The following TAX1BP1 variants were observed in gnomAD, a reference collection of about 807,000 sequenced individuals.
TAX1BP1 encodes Tax1 binding protein 1.
A neutral mutation model predicts 97.7 loss-of-function variants in TAX1BP1; 62 were observed. That is an observed-to-expected ratio of 0.63 (90% CI 0.52 to 0.78). The LOEUF (loss-of-function observed/expected upper bound fraction) is 0.78. TAX1BP1 is among the 30% of genes least tolerant of loss of function. TAX1BP1 has a pLI of 0.00. For missense variants in TAX1BP1, 867 were observed against 916.1 expected, an observed-to-expected ratio of 0.95 and a Z score of 0.69; for synonymous variants, 340 against 304.2, an observed-to-expected ratio of 1.12 and a Z score of -1.23.
At chr7:27,791,980 C>G (rs748596874) in intron 8 of TAX1BP1, 26 bp from the exon 9 acceptor site, 1 of 1,604,418 alleles carries the variant, frequency 6.2e-7, no homozygotes, top group Non-Finnish European at 8.5e-7. Context: ...GGTTGAATTA[C>G]AAATATATTT....
At chr7:27,766,888 T>G (rs924673506) in intron 4 of TAX1BP1, among the ~76,000 whole-genome samples, 8 of 152,192 alleles carry the variant, frequency 5.3e-5, no homozygotes, top group African/African-American at 1.9e-4. Context: ...ATTCCTGTTG[T>G]ACTTCTGATG....
intron 5 of TAX1BP1, among the ~76,000 whole-genome samples, chr7:27,771,097 ATTTTTTTTTTTTTTTTTT>A (rs57751582): frequency 2.0e-4 from 8 of 40,618 alleles, no homozygotes; most frequent in South Asian, 2.0e-3. Flanking sequence ...ACATTCAGCA[ATTTTTTTTTTTTTTTTTT>A]TTTTTTTTTT....
chr7:27,795,226 A>C (rs1341330033), intron 11 of TAX1BP1, among the ~76,000 whole-genome samples: 1 of 152,174 alleles, frequency 6.6e-6, no homozygotes, highest in African/African-American at 2.4e-5. Context: ...TTCTGTTTCC[A>C]TGTATCCTCT....
At chr7:27,794,898 G>A (rs566756515) in intron 11 of TAX1BP1, among the ~76,000 whole-genome samples, 41 of 151,944 alleles carry the variant, frequency 2.7e-4, no homozygotes, top group Non-Finnish European at 5.6e-4. Context: ...TGGCTGCTTT[G>A]GATCAATGGG....
intron 13 of TAX1BP1, among the ~76,000 whole-genome samples, chr7:27,812,913 T>G (rs1379713448): frequency 2.0e-5 from 3 of 152,222 alleles, no homozygotes; most frequent in Non-Finnish European, 4.4e-5. Context: ...CACATGGCCA[T>G]GCCCATTCAT....
chr7:27,800,555 A>T (rs1349091504), intron 13 of TAX1BP1, among the ~76,000 whole-genome samples: 1 of 152,078 alleles, frequency 6.6e-6, no homozygotes, highest in Non-Finnish European at 1.5e-5. Flanking sequence ...CCACCCCCCT[A>T]CCAGTCTCTA....
intron 5 of TAX1BP1, among the ~76,000 whole-genome samples, chr7:27,777,656 C>T (rs1789081642): frequency 6.6e-6 from 1 of 152,192 alleles, no homozygotes; most frequent in African/African-American, 2.4e-5. Context: ...CATGATTCTT[C>T]TCTGGTACTC....
intron 1 of TAX1BP1, among the ~76,000 whole-genome samples, chr7:27,740,702 A>G (rs2128304887): frequency 6.6e-6 from 1 of 152,242 alleles, no homozygotes; most frequent in African/African-American, 2.4e-5. Flanking sequence ...GTAAGCTGAG[A>G]AAACACGTAG....
chr7:27,783,984 T>C (rs1425569061), intron 5 of TAX1BP1, among the ~76,000 whole-genome samples: 1 of 152,206 alleles, frequency 6.6e-6, no homozygotes, highest in Non-Finnish European at 1.5e-5. Context: ...CAGACAAACA[T>C]TTGCTTTGAC....
chr7:27,822,061 C>T (rs924396029), intron 15 of TAX1BP1, among the ~76,000 whole-genome samples: 3 of 152,014 alleles, frequency 2.0e-5, no homozygotes, highest in African/African-American at 4.8e-5. Flanking sequence ...ATCCAAAATC[C>T]GAAACTGAGT....
chr7:27,813,927 A>C (rs990601715), intron 13 of TAX1BP1, among the ~76,000 whole-genome samples: 1 of 152,142 alleles, frequency 6.6e-6, no homozygotes, highest in Non-Finnish European at 1.5e-5. Flanking sequence ...TTAGAAGACA[A>C]ATACTTAATG....
rs1002094446 is a variant in TAX1BP1 at position 27,744,757 on chromosome 7, A to G, written c.-7-3761A>G. 1.3e-5 allele frequency among the ~76,000 whole-genome samples: 2 copies of G among 152,186 alleles called. 1 individual carries two copies. ...TACAAGAGGAGTAAGTAAAGATAAC[A>G]TTGAAATGCTTCCCTGCCCCCACCC... On this transcript the variant is annotated intron_variant, in intron 1 of 16. Transcript: ENST00000396319.
At chr7:27,746,215 T>C (rs1787808740) in intron 1 of TAX1BP1, among the ~76,000 whole-genome samples, 1 of 152,188 alleles carries the variant, frequency 6.6e-6, no homozygotes. Flanking sequence ...GTTTATTTCC[T>C]TCTTACTGAA....
intron 5 of TAX1BP1, among the ~76,000 whole-genome samples, chr7:27,771,097 A>ATTTTTTTTTTTTTTTT (rs57751582): frequency 8.4e-4 from 34 of 40,614 alleles, no homozygotes; most frequent in Non-Finnish European, 1.3e-3. Flanking sequence ...ACATTCAGCA[A>ATTTTTTTTTTTTTTTT]TTTTTTTTTT....
intron 15 of TAX1BP1, among the ~76,000 whole-genome samples, chr7:27,819,729 A>C (rs545389477): frequency 2.1e-4 from 32 of 152,296 alleles, no homozygotes; most frequent in African/African-American, 7.7e-4. Flanking sequence ...AAGGTACTGA[A>C]TGTGTATTGC....
Position 27,765,881 on chromosome 7 carries a change from G to A in TAX1BP1, c.313G>A (p.Val105Ile), listed in dbSNP as rs367927936. ...TGGAGAATTTTATCAGTTCTGTTAC[G>A]TTACCCATAAGGGTGAAATTCGTGG... ...DDGEFYQFCY[V>I]THKGEIRGAS... Residue 105 changes from valine to isoleucine, a missense_variant, in exon 4 of 17, where the codon GTT becomes ATT. Val to Ile is a conservative substitution (Grantham distance 29, BLOSUM62 3). Transcript: ENST00000396319. 11 of 1,613,930 alleles carry A rather than the reference G, an allele frequency of 6.8e-6. No homozygotes were observed. The highest frequency in any genetic ancestry group is 6.7e-5 in the African/African-American group (5 of 74,878).
intron 15 of TAX1BP1, among the ~76,000 whole-genome samples, chr7:27,825,166 A>G (rs905093450): frequency 1.3e-5 from 2 of 149,832 alleles, no homozygotes; most frequent in African/African-American, 4.9e-5. Flanking sequence ...TGTGTGATCT[A>G]TTACTAATAG....
At position 27,748,511 on chromosome 7, in the gene TAX1BP1, G is replaced by GT; in HGVS notation, c.-7-4dup. The stretch of plus-strand genomic sequence containing the variant: ...ATAATTTAACTTGTATGAATTACTT[G>GT]TTTCAGATTCACAATGACATCCTTT... On this transcript the variant is annotated splice_region_variant and splice_polypyrimidine_tract_variant and intron_variant, in intron 1 of 16. Coordinates refer to ENST00000396319, the MANE Select transcript of TAX1BP1 (RefSeq NM_006024.7). 4 of 1,568,450 alleles carry GT rather than the reference G, an allele frequency of 2.6e-6. No homozygotes were observed. The highest frequency in any genetic ancestry group is 3.5e-6 in the Non-Finnish European group (4 of 1,152,382).
intron 13 of TAX1BP1, among the ~76,000 whole-genome samples, chr7:27,812,322 C>A (rs181862549): frequency 9.7e-4 from 147 of 152,254 alleles, no homozygotes; most frequent in Non-Finnish European, 1.8e-3. Context: ...CTGTTCAAAT[C>A]TATTTTTTTT....
Sources: gnomAD v4.1 joint callset for allele counts (sites outside exome capture counted in the v4.1 genomes callset) on GRCh38, gnomAD v4.1.1 for gene constraint, MANE v1.5 for transcripts, NCBI Gene and HGNC (gene_info 2026-07-23, HGNC 2026-07-21) for gene names.